CELF4: variants seen among roughly 807,000 people sequenced by gnomAD.
CELF4 encodes the protein CUGBP Elav-like family member 4, also known as CUG-BP- and ETR-3-like factor 4.
A neutral mutation model predicts 59.9 loss-of-function variants in CELF4; 18 were observed. That is an observed-to-expected ratio of 0.30 (90% confidence interval 0.21 to 0.45). The LOEUF is 0.45. Among genes scored for constraint, CELF4 ranks in the 20% least tolerant of loss-of-function variants. CELF4 has a pLI of 1.00. For synonymous variants in CELF4, 261 were observed against 267.1 expected (o/e 0.98, Z 0.22); for missense variants, 456 against 689.0 (o/e 0.66, Z 3.79).
chr18:37,519,505 G>A (rs914268242), intron 1 of CELF4, among the ~76,000 whole-genome samples: 3 of 152,164 alleles, frequency 2.0e-5, no homozygotes, highest in Non-Finnish European at 2.9e-5. Flanking sequence ...GCATTTTGCC[G>A]TTGTTTGGAA....
At chr18:37,421,849 G>A (rs909325497) in intron 2 of CELF4, among the ~76,000 whole-genome samples, 3 of 152,252 alleles carry the variant, frequency 2.0e-5, no homozygotes, top group Non-Finnish European at 4.4e-5. Flanking sequence ...GCCTTCCTCA[G>A]TCAGCATGGA....
At chr18:37,296,955 G>A (rs2095682090) in intron 3 of CELF4, among the ~76,000 whole-genome samples, 1 of 152,146 alleles carries the variant, frequency 6.6e-6, no homozygotes, top group South Asian at 2.1e-4. Context: ...CCTTAACTGG[G>A]CCAGGTGAGG....
At chr18:37,388,451 C>G (rs768081629) in intron 2 of CELF4, among the ~76,000 whole-genome samples, 4 of 151,498 alleles carry the variant, frequency 2.6e-5, no homozygotes, top group Non-Finnish European at 4.4e-5. Flanking sequence ...TCTCCTTCTT[C>G]TCTGTCTTCC....
At chr18:37,494,848 C>T (rs892350864) in intron 1 of CELF4, among the ~76,000 whole-genome samples, 1 of 152,180 alleles carries the variant, frequency 6.6e-6, no homozygotes, top group African/African-American at 2.4e-5. Flanking sequence ...GAGGTCCTCC[C>T]TCCCCACCCC....
At chr18:37,304,463 C>T (rs572383782) in intron 3 of CELF4, among the ~76,000 whole-genome samples, 17 of 152,258 alleles carry the variant, frequency 1.1e-4, no homozygotes, top group Admixed American at 2.0e-4. Context: ...CATGGTGGGG[C>T]AGTGGGTGGA....
intron 2 of CELF4, among the ~76,000 whole-genome samples, chr18:37,458,877 G>A (rs1030699098): frequency 2.0e-5 from 3 of 152,204 alleles, no homozygotes; most frequent in South Asian, 4.1e-4. Context: ...AGAGTTCTTC[G>A]CTGGTTTTAG....
At chr18:37,290,789 G>T (rs1270585064) in intron 3 of CELF4, among the ~76,000 whole-genome samples, 1 of 152,172 alleles carries the variant, frequency 6.6e-6, no homozygotes, top group African/African-American at 2.4e-5. Flanking sequence ...GAAAATGATT[G>T]CCTGGAGGCC....
chr18:37,369,627 C>T (rs952480682), intron 2 of CELF4, among the ~76,000 whole-genome samples: 1 of 152,224 alleles, frequency 6.6e-6, no homozygotes, highest in Admixed American at 6.5e-5. Flanking sequence ...TAGGGCTACA[C>T]CTACACTTGA....
intron 2 of CELF4, among the ~76,000 whole-genome samples, chr18:37,369,957 C>T (rs1240799726): frequency 6.6e-6 from 1 of 152,338 alleles, no homozygotes; most frequent in Non-Finnish European, 1.5e-5. Context: ...CTGCAGAAAG[C>T]CGAAACGCCC....
At chr18:37,305,384 G>A (rs1379814024) in intron 3 of CELF4, 2 of 152,328 alleles carry the variant, frequency 1.3e-5, no homozygotes, top group Non-Finnish European at 2.9e-5. Flanking sequence ...TGCTGGAAGG[G>A]AGGAGGAAGG....
intron 2 of CELF4, among the ~76,000 whole-genome samples, chr18:37,415,497 T>C (rs1202642187): frequency 6.6e-6 from 1 of 152,172 alleles, no homozygotes; most frequent in Non-Finnish European, 1.5e-5. Flanking sequence ...GTGGGGATCA[T>C]ACCCAAGTTT....
intron 1 of CELF4, among the ~76,000 whole-genome samples, chr18:37,527,079 A>G (rs907963333): frequency 6.6e-6 from 1 of 152,002 alleles, no homozygotes; most frequent in Admixed American, 6.5e-5. Context: ...AGAACCCTCA[A>G]CCTATGCAAT....
chr18:37,252,916 C>T (rs2066444363), intron 12 of CELF4, among the ~76,000 whole-genome samples: 1 of 151,858 alleles, frequency 6.6e-6, no homozygotes, highest in Admixed American at 6.6e-5. Flanking sequence ...CCGAAAGGAG[C>T]CTTCACCTCT....
intron 2 of CELF4, among the ~76,000 whole-genome samples, chr18:37,344,145 C>G (rs546781030): frequency 6.5e-4 from 99 of 152,354 alleles, no homozygotes; most frequent in Middle Eastern, 3.4e-3. Flanking sequence ...CATTCAGGAG[C>G]CTTCCTCGAG....
chr18:37,491,513 C>A (rs545151222), intron 1 of CELF4, among the ~76,000 whole-genome samples: 136 of 152,166 alleles, frequency 8.9e-4, no homozygotes, highest in African/African-American at 3.0e-3. Context: ...GTCTATACGG[C>A]TAAGTGGAGG....
chr18:37,337,351 G>A (rs2097804702), intron 2 of CELF4, among the ~76,000 whole-genome samples: 1 of 152,168 alleles, frequency 6.6e-6, no homozygotes, highest in East Asian at 1.9e-4. Flanking sequence ...GGCCTTTCCT[G>A]AGATGGCCTG....
chr18:37,451,597 C>T (rs2099764257), intron 2 of CELF4, among the ~76,000 whole-genome samples: 2 of 152,176 alleles, frequency 1.3e-5, no homozygotes. Flanking sequence ...CTTCCCTCCA[C>T]AGGACCCTCT....
chr18:37,263,408 C>T (rs894327667), intron 10 of CELF4, among the ~76,000 whole-genome samples: 3 of 152,150 alleles, frequency 2.0e-5, no homozygotes, highest in Non-Finnish European at 4.4e-5. Flanking sequence ...GGACACTATG[C>T]TGCAGGGGCT....
At chr18:37,557,211 G>A (rs73435338) in intron 1 of CELF4, among the ~76,000 whole-genome samples, 15,730 of 152,222 alleles carry the variant, frequency 0.1, 2,056 homozygotes, top group African/African-American at 0.3. Flanking sequence ...GCACATAGTC[G>A]CTTGTGCACG....
Sources: gnomAD v4.1 joint callset for allele counts (sites outside exome capture counted in the v4.1 genomes callset) on GRCh38, gnomAD v4.1.1 for gene constraint, MANE v1.5 for transcripts, NCBI Gene and HGNC (gene_info 2026-07-23, HGNC 2026-07-21) for gene names.